The following ARHGEF28 variants were observed in gnomAD, a reference collection of about 807,000 sequenced individuals.
ARHGEF28 encodes the protein Rho guanine nucleotide exchange factor 28.
ARHGEF28 carries 152 observed loss-of-function variants against 206.6 expected under a neutral mutation model. That is an observed-to-expected ratio of 0.74 (90% CI 0.64 to 0.84). ARHGEF28 has a LOEUF of 0.84. ARHGEF28 is among the 40% of genes least tolerant of loss of function. The pLI is 0.00. For synonymous variants in ARHGEF28, 763 were observed against 776.4 expected, an observed-to-expected ratio of 0.98 and a Z score of 0.29; for missense variants, 2,028 against 2,073.2, an observed-to-expected ratio of 0.98 and a Z score of 0.42.
chr5:73,720,435 C>T (rs1229961047), intron 2 of ARHGEF28, among the ~76,000 whole-genome samples: 1 of 152,026 alleles, frequency 6.6e-6, no homozygotes, highest in Non-Finnish European at 1.5e-5. Flanking sequence ...AAATAGCAGG[C>T]AGAGAGAGGT....
At chr5:73,690,089 G>A (rs73762157) in intron 2 of ARHGEF28, among the ~76,000 whole-genome samples, 9,452 of 150,624 alleles carry the variant, frequency 0.063, 982 homozygotes, top group African/African-American at 0.22. Flanking sequence ...TCACGTTGCC[G>A]TGAGAAAGTA....
intron 1 of ARHGEF28, among the ~76,000 whole-genome samples, chr5:73,678,797 TAA>T: frequency 6.8e-6 from 1 of 147,862 alleles, no homozygotes; most frequent in African/African-American, 2.5e-5. Context: ...CTTATCAAGT[TAA>T]AAAAAAAAGG....
Position 73,741,341 on chromosome 5 carries a change from ATGTGTG to A in ARHGEF28, c.34-8456_34-8451del, listed in dbSNP as rs369851573. 8.1e-3 allele frequency among the ~76,000 whole-genome samples: 534 copies of A among 65,992 alleles called. 9 individuals carry two copies. The highest frequency in any genetic ancestry group is 0.011 in the South Asian group (17 of 1,616). The allele number at this position is 65,992 out of a possible 152,430, so 43.3% of individuals were successfully genotyped here. A position where few individuals can be genotyped will look rare whatever the true frequency, so the allele number is the denominator to read the frequency against. ...AAAGTCGTCTAGATTTTAAATTTAT[ATGTGTG>A]TGTGTGTGTGTGTGTGTGTGTGTGT... On this transcript the variant is annotated intron_variant, in intron 2 of 35. Coordinates refer to ENST00000513042, the MANE Select transcript of ARHGEF28 (RefSeq NM_001177693.2).
At chr5:73,873,277 T>C (rs1352806456) in intron 22 of ARHGEF28, 31 bp downstream of exon 22, 3 of 1,575,988 alleles carry the variant, frequency 1.9e-6, no homozygotes, top group South Asian at 2.3e-5. Context: ...TTGACCTTTA[T>C]GACGTAAGTG....
chr5:73,780,376 G>T, intron 6 of ARHGEF28: 1 of 312,442 alleles, frequency 3.2e-6, no homozygotes, highest in Non-Finnish European at 6.0e-6. Flanking sequence ...CAAGATTTTC[G>T]GTTCTCTTTC....
intron 1 of ARHGEF28, among the ~76,000 whole-genome samples, chr5:73,675,125 G>C (rs568461012): frequency 1.3e-5 from 2 of 152,252 alleles, no homozygotes; most frequent in East Asian, 3.9e-4. Flanking sequence ...AGAAATGTGG[G>C]ACAGTCTTGT....
intron 7 of ARHGEF28, among the ~76,000 whole-genome samples, chr5:73,787,248 C>T (rs1265139159): frequency 5.3e-5 from 8 of 152,184 alleles, no homozygotes; most frequent in Admixed American, 4.6e-4. Flanking sequence ...CACTTGCATA[C>T]ACAGCTCTAC....
At chr5:73,713,205 C>A (rs987971086) in intron 2 of ARHGEF28, among the ~76,000 whole-genome samples, 1 of 152,154 alleles carries the variant, frequency 6.6e-6, no homozygotes, top group African/African-American at 2.4e-5. Flanking sequence ...CAGTGGTCAG[C>A]CTGGTGGAAC....
At chr5:73,924,094 A>T (rs1165635518) in intron 35 of ARHGEF28, among the ~76,000 whole-genome samples, 1 of 152,154 alleles carries the variant, frequency 6.6e-6, no homozygotes, top group African/African-American at 2.4e-5. Context: ...TCCAACCCCC[A>T]TTGCCTGCAG....
At chr5:73,852,768 A>G (rs573399542) in intron 14 of ARHGEF28, 76 bp downstream of exon 14, 2 of 1,468,604 alleles carry the variant, frequency 1.4e-6, no homozygotes, top group Non-Finnish European at 1.9e-6. Context: ...CATTTTTGCT[A>G]TCTGTTCACT....
At chr5:73,926,890 A>G (rs1763844618) in intron 35 of ARHGEF28, among the ~76,000 whole-genome samples, 1 of 152,214 alleles carries the variant, frequency 6.6e-6, no homozygotes, top group Non-Finnish European at 1.5e-5. Context: ...CAGCAGTCTG[A>G]TAGGAGCTGA....
chr5:73,908,455 T>A (rs936004958), intron 33 of ARHGEF28: 1 of 152,166 alleles, frequency 6.6e-6, no homozygotes. Context: ...ACACACATAC[T>A]CAGTATGTGT....
At chr5:73,693,529 T>C (rs1339179798) in intron 2 of ARHGEF28, among the ~76,000 whole-genome samples, 1 of 152,102 alleles carries the variant, frequency 6.6e-6, no homozygotes, top group Non-Finnish European at 1.5e-5. Context: ...TGTCAGAGGG[T>C]GGTAGGTAAG....
At chr5:73,675,899 C>A (rs1746641346) in intron 1 of ARHGEF28, among the ~76,000 whole-genome samples, 2 of 144,638 alleles carry the variant, frequency 1.4e-5, no homozygotes, top group African/African-American at 5.0e-5. Context: ...TAGTCTTATG[C>A]AAATTATATT....
chr5:73,716,265 C>A (rs1272570638), intron 2 of ARHGEF28, among the ~76,000 whole-genome samples: 1 of 152,102 alleles, frequency 6.6e-6, no homozygotes. Context: ...AGAATCAGAT[C>A]AAAATTCTGT....
intron 35 of ARHGEF28, among the ~76,000 whole-genome samples, chr5:73,912,184 C>T (rs1228238572): frequency 6.6e-6 from 1 of 152,130 alleles, no homozygotes; most frequent in East Asian, 1.9e-4. Flanking sequence ...TTACCAGCTC[C>T]ACATGAATCC....
intron 9 of ARHGEF28, among the ~76,000 whole-genome samples, chr5:73,800,100 T>C (rs1436994710): frequency 6.6e-6 from 1 of 152,202 alleles, no homozygotes; most frequent in Non-Finnish European, 1.5e-5. Flanking sequence ...GAAATCCCTA[T>C]AATATCCCCA....
At chr5:73,776,014 G>T (rs1346698536) in intron 5 of ARHGEF28, among the ~76,000 whole-genome samples, 1 of 152,148 alleles carries the variant, frequency 6.6e-6, no homozygotes, top group East Asian at 1.9e-4. Flanking sequence ...GTTTTAATTT[G>T]CATAAGAAAG....
At chr5:73,846,210 C>A in intron 11 of ARHGEF28, 58 bp from the exon 12 acceptor site, 2 of 1,521,830 alleles carry the variant, frequency 1.3e-6, no homozygotes, top group South Asian at 1.2e-5. Flanking sequence ...AAGTAGAAAC[C>A]AATGACGCTC....
Sources: gnomAD v4.1 joint callset for allele counts (sites outside exome capture counted in the v4.1 genomes callset) on GRCh38, gnomAD v4.1.1 for gene constraint, MANE v1.5 for transcripts, NCBI Gene and HGNC (gene_info 2026-07-23, HGNC 2026-07-21) for gene names.